Variants in DGKB observed in about 807,000 individuals in gnomAD.
The protein encoded by DGKB is 90 kDa diacylglycerol kinase.
A neutral mutation model predicts 114.3 loss-of-function variants in DGKB; 67 were observed. That is an observed-to-expected ratio of 0.59 (90% confidence interval 0.48 to 0.72). DGKB has a LOEUF of 0.72. DGKB is among the 30% of genes least tolerant of loss of function. DGKB has a pLI of 0.00. For missense variants in DGKB, 907 were observed against 975.2 expected, an observed-to-expected ratio of 0.93 and a Z score of 0.93; for synonymous variants, 398 against 323.1, an observed-to-expected ratio of 1.23 and a Z score of -2.49.
At chr7:14,768,462 C>T (rs1055781320) in intron 2 of DGKB, among the ~76,000 whole-genome samples, 1 of 146,694 alleles carries the variant, frequency 6.8e-6, no homozygotes, top group South Asian at 2.1e-4. Flanking sequence ...GTGCATATCT[C>T]CACATACTTA....
chr7:14,451,384 C>G (rs1221380633), intron 21 of DGKB, among the ~76,000 whole-genome samples: 1 of 151,978 alleles, frequency 6.6e-6, no homozygotes, highest in Non-Finnish European at 1.5e-5. Flanking sequence ...GGTTTGGACT[C>G]CACTAAAACC....
intron 17 of DGKB, among the ~76,000 whole-genome samples, chr7:14,604,788 G>T (rs1000630193): frequency 6.6e-6 from 1 of 151,986 alleles, no homozygotes; most frequent in Non-Finnish European, 1.5e-5. Flanking sequence ...TCAGAGAAAG[G>T]GCAACATCAT....
At chr7:14,190,708 A>T (rs1316241729) in intron 23 of DGKB, 3 of 152,248 alleles carry the variant, frequency 2.0e-5, no homozygotes, top group Admixed American at 2.0e-4. Flanking sequence ...AGGATGAAGT[A>T]GGAGATATTA....
chr7:14,500,578 G>A (rs1786009585), intron 20 of DGKB, among the ~76,000 whole-genome samples: 1 of 151,148 alleles, frequency 6.6e-6, no homozygotes, highest in African/African-American at 2.4e-5. Context: ...CTACCTCCAT[G>A]TTTTTAATTT....
rs1795549324 is a variant in DGKB at position 14,253,561 on chromosome 7, T to C, written c.2123-75410A>G. Among the ~76,000 whole-genome samples the C allele has an allele frequency of 2.0e-5, 3 of 152,370 alleles. No homozygotes were observed. The South Asian group carries it at 6.2e-4, about 32-fold the overall frequency. ...AAATAACTACAGCTTCCTATCCCTC[T>C]ATCCTTATTGCTATTATGTCTGAAA... On this transcript the variant is annotated intron_variant, in intron 23 of 25. Coordinates refer to ENST00000402815, the MANE Select transcript of DGKB (RefSeq NM_001350709.2).
Position 14,736,112 on chromosome 7 carries a change from A to C in DGKB, c.251T>G (p.Phe84Cys). The change falls in exon 5 of 26, where the codon TTC becomes TGC. Residue 84 changes from phenylalanine to cysteine, a missense_variant. Transcript: ENST00000402815. ...ELPDDFTAHL[F>C]MSFSNKFPHS... ...AGGAAACTTGTTGCTAAATGACATG[A>C]AAAGGTGTGCAGTGAAATCATCAGG... The C allele has an allele frequency of 1.9e-6, 3 of 1,608,936 alleles. No homozygotes were observed. The highest frequency in any genetic ancestry group is 2.6e-6 in the Non-Finnish European group (3 of 1,176,198).
chr7:14,182,289 A>G (rs1782742853), intron 23 of DGKB, among the ~76,000 whole-genome samples: 1 of 151,932 alleles, frequency 6.6e-6, no homozygotes, highest in Non-Finnish European at 1.5e-5. Context: ...TCAAATTTTA[A>G]TAATTATTGA....
intron 20 of DGKB, among the ~76,000 whole-genome samples, chr7:14,492,077 A>G (rs912405311): frequency 1.3e-5 from 2 of 152,106 alleles, no homozygotes; most frequent in Non-Finnish European, 2.9e-5. Context: ...AAGTTTACAG[A>G]GATAAAAGTG....
chr7:14,256,056 T>C (rs1183524494), intron 23 of DGKB, among the ~76,000 whole-genome samples: 2 of 152,236 alleles, frequency 1.3e-5, no homozygotes, highest in African/African-American at 4.8e-5. Flanking sequence ...TTATTAATCA[T>C]TCTGTCTAAA....
Position 14,465,159 on chromosome 7 carries a change from T to C in DGKB, c.1835+13002A>G, listed in dbSNP as rs936276190. On this transcript the variant is annotated intron_variant, in intron 21 of 25. Transcript: ENST00000402815. ...CATTTTGCATTTACCTCACTGATAG[T>C]CTTTACCACATGTTACTGTGATTCC... 2.6e-5 allele frequency among the ~76,000 whole-genome samples: 4 copies of C among 152,138 alleles called. No homozygotes were observed. The South Asian group carries it at 8.3e-4, about 31-fold the overall frequency.
intron 1 of DGKB, among the ~76,000 whole-genome samples, chr7:14,859,270 A>C (rs1215359505): frequency 3.3e-5 from 5 of 152,152 alleles, no homozygotes; most frequent in African/African-American, 1.2e-4. Context: ...CCTGAATATC[A>C]AGAAAAGAGG....
intron 1 of DGKB, among the ~76,000 whole-genome samples, chr7:14,899,987 T>C (rs893320601): frequency 1.3e-5 from 2 of 152,148 alleles, no homozygotes; most frequent in Non-Finnish European, 2.9e-5. Context: ...TTTGAGTTTT[T>C]TCTAAAGGGG....
intron 23 of DGKB, among the ~76,000 whole-genome samples, chr7:14,326,347 A>G (rs1808722564): frequency 6.6e-6 from 1 of 152,026 alleles, no homozygotes; most frequent in South Asian, 2.1e-4. Flanking sequence ...CTTTGGGAAG[A>G]TTGAAAACCA....
intron 5 of DGKB, among the ~76,000 whole-genome samples, chr7:14,729,154 A>G (rs559441123): frequency 2.8e-4 from 27 of 98,098 alleles, no homozygotes; most frequent in South Asian, 8.7e-4. Context: ...ATGGAGTCTC[A>G]CTCTGTTGCC....
At chr7:14,263,480 T>C (rs532480489) in intron 23 of DGKB, among the ~76,000 whole-genome samples, 1 of 152,330 alleles carries the variant, frequency 6.6e-6, no homozygotes, top group South Asian at 2.1e-4. Context: ...AGTATGCCAT[T>C]TTCTCTTTTG....
intron 2 of DGKB, among the ~76,000 whole-genome samples, chr7:14,829,635 C>T (rs536586067): frequency 6.6e-6 from 1 of 152,198 alleles, no homozygotes; most frequent in Non-Finnish European, 1.5e-5. Flanking sequence ...TTGCGTGAAG[C>T]AATCCTTATG....
At chr7:14,891,453 G>A (rs895733032) in intron 1 of DGKB, among the ~76,000 whole-genome samples, 2 of 151,418 alleles carry the variant, frequency 1.3e-5, no homozygotes. Flanking sequence ...CACAATAGGA[G>A]TGCAAGTAAA....
intron 23 of DGKB, among the ~76,000 whole-genome samples, chr7:14,195,483 GCAAA>G (rs1477176148): frequency 1.3e-5 from 2 of 152,208 alleles, no homozygotes; most frequent in East Asian, 1.9e-4. Flanking sequence ...GCAATACAAA[GCAAA>G]CAAACAAATA....
At chr7:14,540,786 G>A (rs945201526) in intron 20 of DGKB, among the ~76,000 whole-genome samples, 3 of 152,140 alleles carry the variant, frequency 2.0e-5, no homozygotes, top group East Asian at 1.9e-4. Flanking sequence ...AAACACATAA[G>A]CAGTAACAGG....
Sources: allele counts gnomAD v4.1 joint callset (sites outside exome capture counted in the v4.1 genomes callset), GRCh38; gene constraint gnomAD v4.1.1; transcripts MANE v1.5; gene names NCBI Gene and HGNC (gene_info 2026-07-23, HGNC 2026-07-21).